Variants in CNTNAP2 observed in about 807,000 individuals in gnomAD.
The protein encoded by CNTNAP2 is contactin associated protein 2.
Under a neutral mutation model 155.2 loss-of-function variants are expected in CNTNAP2, and 98 were observed. The observed-to-expected ratio is 0.63, with a 90% CI of 0.54 to 0.75. The LOEUF is 0.75. Ranked by LOEUF, CNTNAP2 falls within the 30% of genes least tolerant of loss-of-function variation. CNTNAP2 has a pLI of 0.00. For synonymous variants in CNTNAP2, 651 were observed against 631.2 expected (o/e 1.03, Z -0.47); for missense variants, 1,727 against 1,688.1 (o/e 1.02, Z -0.40).
At chr7:146,819,579 TTTCAATACCA>T (rs1803237146) in intron 2 of CNTNAP2, among the ~76,000 whole-genome samples, 1 of 152,130 alleles carries the variant, frequency 6.6e-6, no homozygotes, top group African/African-American at 2.4e-5. Flanking sequence ...TAATCTCATC[TTTCAATACCA>T]TTCAGCTACT....
At chr7:146,457,481 A>AAT (rs200909725) in intron 1 of CNTNAP2, among the ~76,000 whole-genome samples, 26 of 87,246 alleles carry the variant, frequency 3.0e-4, no homozygotes, top group African/African-American at 4.7e-4. Flanking sequence ...TTCAAAAATG[A>AAT]ATATATATAT....
chr7:148,200,086 T>A (rs1795343412), intron 18 of CNTNAP2, among the ~76,000 whole-genome samples: 1 of 152,216 alleles, frequency 6.6e-6, no homozygotes, highest in African/African-American at 2.4e-5. Flanking sequence ...CTGACAATTA[T>A]GATCCTCTCT....
chr7:148,240,790 G>A (rs150510551), intron 20 of CNTNAP2, among the ~76,000 whole-genome samples: 4 of 152,246 alleles, frequency 2.6e-5, no homozygotes, highest in South Asian at 2.1e-4. Flanking sequence ...GTCTGTGGTC[G>A]AAGGTCCAAG....
chr7:147,062,054 G>T (rs894403097), intron 4 of CNTNAP2, among the ~76,000 whole-genome samples: 13 of 143,372 alleles, frequency 9.1e-5, no homozygotes, highest in South Asian at 2.3e-4. Context: ...AGTGAACCCG[G>T]GAGGCAGAGC....
chr7:146,317,581 A>G (rs1238650924), intron 1 of CNTNAP2, among the ~76,000 whole-genome samples: 1 of 152,192 alleles, frequency 6.6e-6, no homozygotes, highest in Non-Finnish European at 1.5e-5. Flanking sequence ...TTCTGTTTCC[A>G]TGGTTAGCCA....
intron 15 of CNTNAP2, among the ~76,000 whole-genome samples, chr7:148,113,403 A>G (rs1804398512): frequency 6.6e-6 from 1 of 152,190 alleles, no homozygotes; most frequent in Non-Finnish European, 1.5e-5. Context: ...CAATGGTGCT[A>G]AACTATTCAT....
In CNTNAP2 at chr7:147,813,170, T is replaced by C. The variant is rs376024304; in HGVS notation, c.2099-90395T>C. Among the ~76,000 whole-genome samples the C allele has an allele frequency of 2.6e-5, 4 of 150,956 alleles. No homozygotes were observed. The East Asian group carries it at 7.8e-4, about 29-fold the overall frequency. On this transcript the variant is annotated intron_variant, in intron 13 of 23. Transcript: ENST00000361727. ...TGGGAGATGGACTCATAGCTTATAC[T>C]ATGTCGAAATGCATTAGGAAAGATT...
chr7:146,263,344 G>A (rs1433677003), intron 1 of CNTNAP2, among the ~76,000 whole-genome samples: 8 of 151,040 alleles, frequency 5.3e-5, no homozygotes, highest in Middle Eastern at 3.4e-3. Flanking sequence ...ATGATTCTTC[G>A]CTCTCTTCTG....
intron 1 of CNTNAP2, among the ~76,000 whole-genome samples, chr7:146,733,120 A>T (rs1056297316): frequency 3.9e-5 from 6 of 152,112 alleles, no homozygotes; most frequent in Non-Finnish European, 7.4e-5. Context: ...ATGCTGGCTA[A>T]AAAGTCTCTG....
In CNTNAP2 at chr7:147,639,312, C is replaced by T; in HGVS notation, c.2098+6C>T. The T allele has an allele frequency of 6.2e-7, 1 of 1,613,292 alleles. No homozygotes were observed. Among genetic ancestry groups the T allele is most frequent in the Non-Finnish European group, 8.5e-7 (1 of 1,179,414 alleles). On this transcript the variant is annotated splice_donor_region_variant and intron_variant, in intron 13 of 23. Coordinates refer to ENST00000361727, the MANE Select transcript of CNTNAP2 (RefSeq NM_014141.6). ...AAGATTGTTGAACACCCCAGGTAGG[C>T]TGAGAATGGAATGTTACTTTTAATC...
intron 1 of CNTNAP2, among the ~76,000 whole-genome samples, chr7:146,550,429 T>A (rs1006481792): frequency 1.5e-5 from 2 of 136,300 alleles, no homozygotes; most frequent in Non-Finnish European, 3.2e-5. Context: ...TTTTTTTTTT[T>A]ATAAAGTACC....
intron 1 of CNTNAP2, among the ~76,000 whole-genome samples, chr7:146,370,603 A>C (rs745376724): frequency 6.1e-4 from 93 of 152,272 alleles, no homozygotes; most frequent in Non-Finnish European, 1.1e-3. Context: ...ATATAGCCTT[A>C]ACATATGCTG....
At chr7:146,506,589 C>T (rs995883726) in intron 1 of CNTNAP2, among the ~76,000 whole-genome samples, 7 of 152,224 alleles carry the variant, frequency 4.6e-5, no homozygotes, top group East Asian at 1.9e-4. Flanking sequence ...TACAACCTTT[C>T]GATGGCCCAT....
chr7:147,142,387 C>T (rs1294418445), intron 8 of CNTNAP2, among the ~76,000 whole-genome samples: 1 of 152,080 alleles, frequency 6.6e-6, no homozygotes, highest in Non-Finnish European at 1.5e-5. Context: ...TATTGATTTT[C>T]TTATATTGAA....
intron 1 of CNTNAP2, among the ~76,000 whole-genome samples, chr7:146,715,197 G>T (rs988863727): frequency 2.0e-5 from 3 of 152,090 alleles, no homozygotes; most frequent in Non-Finnish European, 4.4e-5. Flanking sequence ...CGGTTGTGGT[G>T]GTGGGCACCT....
At chr7:146,471,642 G>C (rs141031064) in intron 1 of CNTNAP2, among the ~76,000 whole-genome samples, 1 of 152,316 alleles carries the variant, frequency 6.6e-6, no homozygotes, top group Non-Finnish European at 1.5e-5. Context: ...ACAAATGAAT[G>C]CTCAAATGAA....
chr7:148,208,996 A>G (rs1795499152), intron 18 of CNTNAP2, among the ~76,000 whole-genome samples: 1 of 152,092 alleles, frequency 6.6e-6, no homozygotes, highest in Non-Finnish European at 1.5e-5. Context: ...AGGGAATTCT[A>G]TCCATGCTTG....
chr7:146,253,518 T>C (rs977329435), intron 1 of CNTNAP2, among the ~76,000 whole-genome samples: 7 of 152,194 alleles, frequency 4.6e-5, no homozygotes, highest in Non-Finnish European at 1.0e-4. Flanking sequence ...ACCTTAAGGG[T>C]CTTCTTTATT....
At chr7:146,405,381 T>C (rs1795776385) in intron 1 of CNTNAP2, among the ~76,000 whole-genome samples, 1 of 152,226 alleles carries the variant, frequency 6.6e-6, no homozygotes, top group Non-Finnish European at 1.5e-5. Context: ...TCAGCAACGT[T>C]GATACCTAAC....
Sources: gnomAD v4.1 joint callset for allele counts (sites outside exome capture counted in the v4.1 genomes callset) on GRCh38, gnomAD v4.1.1 for gene constraint, MANE v1.5 for transcripts, NCBI Gene and HGNC (gene_info 2026-07-23, HGNC 2026-07-21) for gene names.